The following PPP4R4 variants were observed in gnomAD, a reference collection of about 807,000 sequenced individuals.
The protein encoded by PPP4R4 is protein phosphatase 4 regulatory subunit 4, also known as serine/threonine-protein phosphatase 4 regulatory subunit 4.
Under a neutral mutation model 121.8 loss-of-function variants are expected in PPP4R4, and 70 were observed. The observed-to-expected ratio is 0.57, with a 90% CI of 0.47 to 0.70. The LOEUF (loss-of-function observed/expected upper bound fraction) is 0.70. Among genes scored for constraint, PPP4R4 ranks in the 30% least tolerant of loss-of-function variants. The probability of loss-of-function intolerance (pLI) is 0.00; values close to 1 mark genes in which losing one functional copy is unlikely to be tolerated. For missense variants in PPP4R4, 875 were observed against 1,033.6 expected, an observed-to-expected ratio of 0.85 and a Z score of 2.10; for synonymous variants, 348 against 355.7, an observed-to-expected ratio of 0.98 and a Z score of 0.24.
In PPP4R4 at chr14:94,208,476, T is replaced by A. The variant is rs1030759668; in HGVS notation, c.204T>A (p.Asp68Glu). ...RAVYLLSAGQ[D>E]VQGTSVIANL... is the part of the protein sequence containing the mutation. ...TTTTCTTTGTAAGTGCTGGTCAAGA[T>A]GTCCAAGGAACAAGTGTGATTGCAA... Residue 68 changes from aspartate to glutamate, a missense_variant, in exon 3 of 25, where the codon GAT (aspartate) becomes GAA (glutamate). Asp to Glu is a conservative substitution (Grantham distance 45, BLOSUM62 2). Coordinates refer to ENST00000304338, the MANE Select transcript of PPP4R4 (RefSeq NM_058237.2). 16 of 1,608,410 alleles carry A rather than the reference T, an allele frequency of 9.9e-6. No individual in the cohort carries two copies. Among genetic ancestry groups the A allele is most frequent in the Non-Finnish European group, 1.3e-5 (15 of 1,175,706 alleles).
rs1356001767 is a variant in PPP4R4 at position 94,254,812 on chromosome 14, C to A, written c.1866-1648C>A. ...GGAGAGTATTTCCTCTGAAATGCCT[C>A]CTCCTGGAAAGGCTTTTTTTTAGGC... On this transcript the variant is annotated intron_variant, in intron 16 of 24. Transcript: ENST00000304338. 2.3e-4 allele frequency among the ~76,000 whole-genome samples: 35 copies of A among 152,270 alleles called. 1 individual carries two copies. Among genetic ancestry groups the A allele is most frequent in the African/African-American group, 6.7e-4 (28 of 41,554 alleles).
intron 1 of PPP4R4, among the ~76,000 whole-genome samples, chr14:94,174,904 C>T (rs1365944278): frequency 6.6e-6 from 1 of 151,670 alleles, no homozygotes; most frequent in Non-Finnish European, 1.5e-5. Flanking sequence ...CCGGCCCACC[C>T]CCAGGAACGG....
At chr14:94,253,138 A>AT (rs1893279526) in intron 16 of PPP4R4, among the ~76,000 whole-genome samples, 1 of 152,190 alleles carries the variant, frequency 6.6e-6, no homozygotes, top group Non-Finnish European at 1.5e-5. Flanking sequence ...GAGGTGGGGT[A>AT]TTGCTGACAT....
At chr14:94,189,546 A>T (rs1386846772) in intron 2 of PPP4R4, among the ~76,000 whole-genome samples, 2 of 152,180 alleles carry the variant, frequency 1.3e-5, no homozygotes, top group East Asian at 1.9e-4. Context: ...GGGTCAGATT[A>T]TACACTCTGG....
chr14:94,241,752 T>C (rs1378491490), intron 9 of PPP4R4, 36 bp from the exon 10 acceptor site: 2 of 1,478,248 alleles, frequency 1.4e-6, no homozygotes, highest in Non-Finnish European at 1.8e-6. Flanking sequence ...TTGTTTTCAA[T>C]TGAAATGTTG....
intron 3 of PPP4R4, among the ~76,000 whole-genome samples, chr14:94,210,065 A>G (rs1258320261): frequency 6.6e-6 from 1 of 151,746 alleles, no homozygotes; most frequent in African/African-American, 2.4e-5. Flanking sequence ...TTATTTTCTT[A>G]CTTTCTATTT....
At chr14:94,235,635 G>A (rs1401205657) in intron 7 of PPP4R4, among the ~76,000 whole-genome samples, 2 of 151,690 alleles carry the variant, frequency 1.3e-5, no homozygotes, top group African/African-American at 2.4e-5. Context: ...TCCTGACCTC[G>A]TGATCCGCCT....
intron 4 of PPP4R4, 108 bp downstream of exon 4, chr14:94,230,842 A>G: frequency 2.3e-6 from 3 of 1,286,196 alleles, no homozygotes; most frequent in Non-Finnish European, 3.2e-6. Flanking sequence ...GAGTAAGGCC[A>G]TGCTGCCTAG....
In PPP4R4 at chr14:94,190,798, T is replaced by C. The variant is rs905989350; in HGVS notation, c.191+14671T>C. Among the ~76,000 whole-genome samples, 5 of 152,148 alleles carry C rather than the reference T, an allele frequency of 3.3e-5. No individual in the cohort carries two copies. In the East Asian group the frequency reaches 9.7e-4, roughly 29 times the overall value. On this transcript the variant is annotated intron_variant, in intron 2 of 24. Transcript: ENST00000304338. ...TACCTTTCAATATTCCTGCTATAGCTCATATATTTAGGACAGACTTTGATA... is the reference window on the plus strand; with the variant it reads ...TACCTTTCAATATTCCTGCTATAGCCCATATATTTAGGACAGACTTTGATA...
intron 16 of PPP4R4, among the ~76,000 whole-genome samples, chr14:94,253,465 A>G (rs1194405526): frequency 6.6e-6 from 1 of 152,230 alleles, no homozygotes; most frequent in Non-Finnish European, 1.5e-5. Context: ...GTCTCAAAAA[A>G]AGGAACCTTT....
chr14:94,200,499 T>A (rs1402617533), intron 2 of PPP4R4, among the ~76,000 whole-genome samples: 1 of 152,220 alleles, frequency 6.6e-6, no homozygotes, highest in African/African-American at 2.4e-5. Context: ...TAAATTACAA[T>A]TTCAATCTTG....
At chr14:94,238,811 T>C (rs969224214) in intron 8 of PPP4R4, among the ~76,000 whole-genome samples, 9 of 152,308 alleles carry the variant, frequency 5.9e-5, no homozygotes, top group African/African-American at 2.2e-4. Flanking sequence ...TATTGCAATA[T>C]GGACAATAAT....
At position 94,250,182 on chromosome 14, in the gene PPP4R4, C is replaced by T. The variant is rs757199438; in HGVS notation, c.1622C>T (p.Pro541Leu). ...FTIMMTNNVLPVQKAASRTLC... is the reference protein window; with the variant it reads ...FTIMMTNNVLLVQKAASRTLC... ...ACTTACTTCTTCAAGAATGTTTTACCTGTCCAAAAGGCGGCTTCACGAACT... is the reference window on the plus strand; with the variant it reads ...ACTTACTTCTTCAAGAATGTTTTACTTGTCCAAAAGGCGGCTTCACGAACT... Residue 541 changes from proline to leucine, a missense_variant, in exon 15 of 25, where the codon CCT becomes CTT. Pro to Leu is a moderately conservative substitution (Grantham distance 98). Transcript: ENST00000304338. The T allele has an allele frequency of 1.9e-6, 3 of 1,607,068 alleles. No individual in the cohort carries two copies. The highest frequency in any genetic ancestry group is 2.6e-6 in the Non-Finnish European group (3 of 1,174,052).
chr14:94,276,582 CTT>C (rs1894653371), intron 24 of PPP4R4, among the ~76,000 whole-genome samples: 1 of 152,064 alleles, frequency 6.6e-6, no homozygotes, highest in South Asian at 2.1e-4. Context: ...GTGCCACACA[CTT>C]TTAAATGATC....
chr14:94,235,929 C>T (rs561255852), intron 7 of PPP4R4, among the ~76,000 whole-genome samples: 38 of 152,274 alleles, frequency 2.5e-4, no homozygotes, highest in African/African-American at 8.2e-4. Context: ...TCATCTGGTT[C>T]TTTGTTGCAC....
chr14:94,187,215 G>A (rs1445254059), intron 2 of PPP4R4, among the ~76,000 whole-genome samples: 1 of 152,008 alleles, frequency 6.6e-6, no homozygotes, highest in Admixed American at 6.6e-5. Context: ...GGGAGGCTGA[G>A]GCAAGAGAAT....
chr14:94,184,815 C>T (rs1286366752), intron 2 of PPP4R4, among the ~76,000 whole-genome samples: 1 of 151,992 alleles, frequency 6.6e-6, no homozygotes, highest in East Asian at 1.9e-4. Context: ...ATCTATTATA[C>T]CCTTAGAATG....
At chr14:94,180,385 C>T (rs1888909328) in intron 2 of PPP4R4, among the ~76,000 whole-genome samples, 1 of 152,042 alleles carries the variant, frequency 6.6e-6, no homozygotes. Context: ...GTAAGGTCAG[C>T]CTGTTGATTT....
At position 94,176,046 on chromosome 14, in the gene PPP4R4, C is replaced by T. The variant is rs1888664072; in HGVS notation, c.118-8C>T. On this transcript the variant is annotated splice_region_variant and splice_polypyrimidine_tract_variant and intron_variant, in intron 1 of 24. Transcript: ENST00000304338. ...GTGGTGCATAAATGTGTATTTTACCCTTGACAGACACCGGAAGAAATAGAA... is the reference window on the plus strand; with the variant it reads ...GTGGTGCATAAATGTGTATTTTACCTTTGACAGACACCGGAAGAAATAGAA... 1.2e-6 allele frequency: 2 copies of T among 1,609,064 alleles called. No individual in the cohort carries two copies. The highest frequency in any genetic ancestry group is 3.3e-5 in the Admixed American group (2 of 60,002).
Sources: gnomAD v4.1 joint callset for allele counts (sites outside exome capture counted in the v4.1 genomes callset) on GRCh38, gnomAD v4.1.1 for gene constraint, MANE v1.5 for transcripts, NCBI Gene and HGNC (gene_info 2026-07-23, HGNC 2026-07-21) for gene names.